The following ADAMTSL2 variants were observed in gnomAD, a reference collection of about 807,000 sequenced individuals.
The protein encoded by ADAMTSL2 is ADAMTS like 2, also known as ADAMTS-like protein 2.
Under a neutral mutation model 117.0 loss-of-function variants are expected in ADAMTSL2, and 55 were observed. That is an observed-to-expected ratio of 0.47 (90% CI 0.38 to 0.59). ADAMTSL2 has a LOEUF of 0.59. Among genes scored for constraint, ADAMTSL2 ranks in the 20% least tolerant of loss-of-function variants. ADAMTSL2 has a pLI of 0.00. For synonymous variants in ADAMTSL2, 572 were observed against 566.4 expected (o/e 1.01, Z -0.14); for missense variants, 1,182 against 1,354.5 (o/e 0.87, Z 2.00).
At chr9:133,539,413 AGTCAGGG>A (rs1313690126) in intron 4 of ADAMTSL2, among the ~76,000 whole-genome samples, 2 of 152,220 alleles carry the variant, frequency 1.3e-5, no homozygotes, top group Admixed American at 1.3e-4. Context: ...GTAGACACAC[AGTCAGGG>A]CCTGCTGAGG....
intron 17 of ADAMTSL2, among the ~76,000 whole-genome samples, chr9:133,571,363 G>T (rs1831102512): frequency 6.6e-6 from 1 of 152,208 alleles, no homozygotes; most frequent in African/African-American, 2.4e-5. Flanking sequence ...CAAGGGAAGG[G>T]GGGCCTGAAC....
At chr9:133,562,436 A>C (rs1830750419) in intron 12 of ADAMTSL2, among the ~76,000 whole-genome samples, 1 of 148,292 alleles carries the variant, frequency 6.7e-6, no homozygotes, top group African/African-American at 2.5e-5. Flanking sequence ...CGTGGCGGGC[A>C]CCCGGCTCGG....
At position 133,574,991 on chromosome 9, in the gene ADAMTSL2, T is replaced by G; in HGVS notation, c.*127T>G. 1.3e-6 allele frequency: 1 copy of G among 740,856 alleles called. No homozygotes were observed. The highest frequency in any genetic ancestry group is 2.3e-6 in the Non-Finnish European group (1 of 426,928). 45.9% of individuals were successfully genotyped at this position (740,856 alleles called of 1,614,324 possible). A position where few individuals can be genotyped will look rare whatever the true frequency, so the allele number is the denominator to read the frequency against. On this transcript the variant is annotated 3_prime_UTR_variant, in exon 19 of 19. Coordinates refer to ENST00000651351, the MANE Select transcript of ADAMTSL2 (RefSeq NM_014694.4). ...GGCCTAAGAGACGTGGCACTGAGCC[T>G]CGGCTGTCGAGAGGGGACTTCCCAC...
chr9:133,534,978 C>T (rs1472260526), intron 1 of ADAMTSL2, 61 bp downstream of exon 1: 4 of 1,331,978 alleles, frequency 3.0e-6, no homozygotes, highest in Non-Finnish European at 3.8e-6. Context: ...GCCCACTGCT[C>T]AGAGTGGGGC....
intron 15 of ADAMTSL2, among the ~76,000 whole-genome samples, chr9:133,569,044 C>T (rs1035327988): frequency 1.4e-4 from 22 of 152,018 alleles, no homozygotes; most frequent in Non-Finnish European, 2.9e-4. Context: ...TCTGTCTCCC[C>T]GTCTCTGTTT....
chr9:133,574,612 G>C, intron 18 of ADAMTSL2, 134 bp from the exon 19 acceptor site: 1 of 787,172 alleles, frequency 1.3e-6, no homozygotes, highest in South Asian at 1.4e-5. Flanking sequence ...AGGGGGCAGA[G>C]AGCTAGAGAT....
Position 133,555,678 on chromosome 9 carries a change from G to A in ADAMTSL2, c.1397G>A (p.Gly466Asp). The change falls in exon 11 of 19, where the codon GGC becomes GAC. Residue 466 changes from glycine to aspartate, a missense_variant. Transcript: ENST00000651351. ...ATCTCTGACCAGCTGCTGGGCGCAG[G>A]CTCTGACTTGAAGGACTTCACCCTC... The part of the protein sequence containing the change: ...NAISDQLLGA[G>D]SDLKDFTLNE... 1 of 1,613,878 alleles carries A rather than the reference G, an allele frequency of 6.2e-7. No individual in the cohort carries two copies.
At chr9:133,571,522 C>T (rs1340030954) in intron 17 of ADAMTSL2, among the ~76,000 whole-genome samples, 2 of 152,186 alleles carry the variant, frequency 1.3e-5, no homozygotes, top group South Asian at 2.1e-4. Flanking sequence ...CTGTTTTCCC[C>T]TTCTGCTGCA....
chr9:133,532,174 G>A (rs1045817333), upstream of ADAMTSL2: 1 of 152,180 alleles, frequency 6.6e-6, no homozygotes, highest in Non-Finnish European at 1.5e-5. Flanking sequence ...CACTGGCGGA[G>A]AAAATCCCCT....
At chr9:133,560,340 C>T (rs932470773) in intron 11 of ADAMTSL2, among the ~76,000 whole-genome samples, 13 of 152,216 alleles carry the variant, frequency 8.5e-5, no homozygotes, top group Admixed American at 2.0e-4. Context: ...CGCCGGCTTG[C>T]CATCGCCCCT....
chr9:133,572,411 G>A (rs1410845233), intron 17 of ADAMTSL2, among the ~76,000 whole-genome samples: 1 of 152,150 alleles, frequency 6.6e-6, no homozygotes, highest in East Asian at 1.9e-4. Flanking sequence ...CGGCGTGCCG[G>A]GCCCTGAAGC....
At chr9:133,572,139 A>T (rs1831120379) in intron 17 of ADAMTSL2, among the ~76,000 whole-genome samples, 1 of 151,922 alleles carries the variant, frequency 6.6e-6, no homozygotes, top group Admixed American at 6.5e-5. Context: ...CTCCTCGTGC[A>T]CGCTTGGTGG....
At chr9:133,569,929 G>A (rs1831065751) in intron 16 of ADAMTSL2, among the ~76,000 whole-genome samples, 1 of 152,210 alleles carries the variant, frequency 6.6e-6, no homozygotes, top group African/African-American at 2.4e-5. Flanking sequence ...CGTGACCAGT[G>A]TGTCTTCCGC....
intron 12 of ADAMTSL2, among the ~76,000 whole-genome samples, chr9:133,564,685 AGG>A (rs1830918835): frequency 1.5e-5 from 2 of 134,644 alleles, no homozygotes; most frequent in African/African-American, 5.6e-5. Context: ...GGAGAGAGAG[AGG>A]GAGAGGGAGA....
intron 18 of ADAMTSL2, 129 bp from the exon 19 acceptor site, chr9:133,574,617 A>G (rs1378380740): frequency 1.0e-5 from 8 of 797,304 alleles, no homozygotes; most frequent in Admixed American, 1.7e-5. Flanking sequence ...GCAGAGAGCT[A>G]GAGATGGAGA....
intron 4 of ADAMTSL2, among the ~76,000 whole-genome samples, chr9:133,539,530 T>TAGAGTAGGC (rs1236486776): frequency 1.3e-5 from 2 of 152,140 alleles, no homozygotes; most frequent in Non-Finnish European, 2.9e-5. Context: ...GGGTTGTGTC[T>TAGAGTAGGC]AGAGTAGGCG....
intron 9 of ADAMTSL2, among the ~76,000 whole-genome samples, chr9:133,551,688 A>G (rs1425270484): frequency 6.6e-6 from 1 of 151,782 alleles, no homozygotes; most frequent in Non-Finnish European, 1.5e-5. Flanking sequence ...ATCTTTCCCT[A>G]CCACAGATAT....
At position 133,540,981 on chromosome 9, in the gene ADAMTSL2, G is replaced by T; in HGVS notation, c.662G>T (p.Arg221Leu). The change falls in exon 7 of 19, where the codon CGC becomes CTC. Residue 221 changes from arginine to leucine, a missense_variant. Physicochemically the swap from Arg to Leu is moderately radical, Grantham distance 102 (BLOSUM62 -2). Around this residue, in one of 3 missense-constraint regions of ADAMTSL2, gnomAD observed 372 missense variants for 463.4 expected, o/e 0.80. Coordinates refer to ENST00000651351, the MANE Select transcript of ADAMTSL2 (RefSeq NM_014694.4). ...TGCACCCACGTGACGGGCAACTATC[G>T]CAAGGGGAATGCCCACCTTGGTAAG... is the stretch of plus-strand genomic sequence containing the variant. ...SSCTHVTGNY[R>L]KGNAHLGYSL... is the part of the protein sequence containing the mutation. 6.2e-7 allele frequency: 1 copy of T among 1,613,384 alleles called. No homozygotes were observed. The highest frequency in any genetic ancestry group is 1.1e-5 in the South Asian group (1 of 91,074).
In ADAMTSL2 at chr9:133,557,638, G is replaced by T. The variant is rs998814880; in HGVS notation, c.1649+1708G>T. ...GGCTGCCAGTCTGTCTGTGTCTTCAGCGTGGGCCCTCTTCACCTCCCAGGG... is the reference window on the plus strand; with the variant it reads ...GGCTGCCAGTCTGTCTGTGTCTTCATCGTGGGCCCTCTTCACCTCCCAGGG... On this transcript the variant is annotated intron_variant, in intron 11 of 18. Coordinates refer to ENST00000651351, the MANE Select transcript of ADAMTSL2 (RefSeq NM_014694.4). This position sits in a 1 kb window ranked among gnomAD's most constrained non-coding sequence, Gnocchi z 5.2. 9.8e-5 allele frequency among the ~76,000 whole-genome samples: 15 copies of T among 152,322 alleles called. No homozygotes were observed. The highest frequency in any genetic ancestry group is 1.9e-4 in the Non-Finnish European group (13 of 68,012).
Sources: allele counts gnomAD v4.1 joint callset (sites outside exome capture counted in the v4.1 genomes callset), GRCh38; gene constraint gnomAD v4.1.1; regional missense constraint gnomAD v4.1.1; non-coding constraint Gnocchi (gnomAD v3.1); transcripts MANE v1.5; gene names NCBI Gene and HGNC (gene_info 2026-07-23, HGNC 2026-07-21).